The following DNAJB13 variants were observed in gnomAD, a reference collection of about 807,000 sequenced individuals.
The protein encoded by DNAJB13 is DnaJ heat shock protein family (Hsp40) member B13.
A neutral mutation model predicts 35.6 loss-of-function variants in DNAJB13; 22 were observed. That is an observed-to-expected ratio of 0.62 (90% CI 0.44 to 0.88). DNAJB13 has a LOEUF of 0.88. DNAJB13 is among the 40% of genes least tolerant of loss of function. DNAJB13 has a pLI of 0.00. For missense variants in DNAJB13, 370 were observed against 384.3 expected, an observed-to-expected ratio of 0.96 and a Z score of 0.31; for synonymous variants, 136 against 144.2, an observed-to-expected ratio of 0.94 and a Z score of 0.41.
At chr11:73,952,641 G>A (rs1950615458) in intron 1 of DNAJB13, among the ~76,000 whole-genome samples, 1 of 152,166 alleles carries the variant, frequency 6.6e-6, no homozygotes, top group South Asian at 2.1e-4. Context: ...ACTCTTCGGA[G>A]CATCTCATTG....
chr11:73,962,225 C>T (rs904945104), intron 3 of DNAJB13, among the ~76,000 whole-genome samples: 1 of 152,104 alleles, frequency 6.6e-6, no homozygotes, highest in Non-Finnish European at 1.5e-5. Flanking sequence ...TTATAGTTTC[C>T]CTAATATGCT....
In DNAJB13 at chr11:73,966,246, G is replaced by A; in HGVS notation, c.601G>A (p.Asp201Asn). 6.2e-7 allele frequency: 1 copy of A among 1,611,992 alleles called. No individual in the cohort carries two copies. Among genetic ancestry groups the A allele is most frequent in the Non-Finnish European group, 8.5e-7 (1 of 1,179,192 alleles). ...GTRITFEKEG[D>N]QGPNIIPADI... ...ACGCATCACCTTTGAGAAGGAAGGG[G>A]ACCAGGTGAGGGGGGAAGAAGCTGA... The change falls in exon 5 of 8, where the codon GAC becomes AAC. Residue 201 changes from aspartate (D) to asparagine (N), a missense_variant. Coordinates refer to ENST00000339764, the MANE Select transcript of DNAJB13 (RefSeq NM_153614.4).
chr11:73,955,391 C>T (rs1053126659), intron 1 of DNAJB13, among the ~76,000 whole-genome samples: 1 of 151,664 alleles, frequency 6.6e-6, no homozygotes, highest in Admixed American at 6.6e-5. Context: ...TCACTGCAAC[C>T]TCCACCTTCT....
chr11:73,960,485 T>TTTTGTATTTTTGTA (rs1338035056), intron 3 of DNAJB13, among the ~76,000 whole-genome samples: 1 of 150,198 alleles, frequency 6.7e-6, no homozygotes, highest in East Asian at 2.0e-4. Flanking sequence ...CCCAGCTAAT[T>TTTTGTATTTTTGTA]TTTGTATTTT....
At chr11:73,961,123 C>G (rs542351174) in intron 3 of DNAJB13, among the ~76,000 whole-genome samples, 12 of 151,902 alleles carry the variant, frequency 7.9e-5, no homozygotes, top group African/African-American at 2.9e-4. Flanking sequence ...CCCATCTCTA[C>G]AAAAAAATGT....
At chr11:73,958,839 C>T (rs955417844) in intron 2 of DNAJB13, among the ~76,000 whole-genome samples, 1 of 152,114 alleles carries the variant, frequency 6.6e-6, no homozygotes, top group Non-Finnish European at 1.5e-5. Context: ...CCAGGGCCAG[C>T]AACAGTAGGA....
At chr11:73,957,727 C>G (rs559147678) in intron 1 of DNAJB13, among the ~76,000 whole-genome samples, 5 of 152,282 alleles carry the variant, frequency 3.3e-5, no homozygotes, top group South Asian at 2.1e-4. Context: ...GGGCACTGAG[C>G]GCCTCAGCCA....
chr11:73,954,405 C>T (rs935078368), intron 1 of DNAJB13, among the ~76,000 whole-genome samples: 9 of 145,104 alleles, frequency 6.2e-5, no homozygotes, highest in Non-Finnish European at 1.1e-4. Flanking sequence ...CTGAGGCGGG[C>T]GGATCACGAG....
chr11:73,953,876 T>C lies in DNAJB13; in HGVS notation c.68+2739T>C, dbSNP rs553636483. ...TTAGCCGGGCACCTGTAGTCCCAGC[T>C]ACTCGGGAGGCTGAGGCAGGAGAAT... On this transcript the variant is annotated intron_variant, in intron 1 of 7. Transcript: ENST00000339764. 5.1e-4 allele frequency among the ~76,000 whole-genome samples: 78 copies of C among 151,938 alleles called. 1 individual carries two copies. The East Asian group carries it at 0.013, about 26-fold the overall frequency.
chr11:73,965,300 T>C, intron 4 of DNAJB13: 1 of 317,050 alleles, frequency 3.2e-6, no homozygotes, highest in South Asian at 5.9e-5. Context: ...TTTCTTTCAG[T>C]TCAGCCCCAT....
chr11:73,962,668 C>T (rs565780521), intron 3 of DNAJB13, among the ~76,000 whole-genome samples: 2 of 152,332 alleles, frequency 1.3e-5, no homozygotes, highest in South Asian at 2.1e-4. Context: ...TTTTCTCCTA[C>T]ACCTCTTGCC....
At chr11:73,965,106 C>T (rs78208358) in intron 4 of DNAJB13, 71 bp downstream of exon 4, 1 of 1,467,630 alleles carries the variant, frequency 6.8e-7, no homozygotes. Context: ...CCTCCCTTAC[C>T]TGGGTGGGAG....
At position 73,970,101 on chromosome 11, in the gene DNAJB13, C is replaced by T; in HGVS notation, c.938C>T (p.Ala313Val). Residue 313 changes from alanine (A) to valine (V), a missense_variant, in exon 8 of 8, where the codon GCA becomes GTA. Coordinates refer to ENST00000339764, the MANE Select transcript of DNAJB13 (RefSeq NM_153614.4). ...TPQKKQMLRQ[A>V]LLT The stretch of plus-strand genomic sequence containing the variant: ...CAGAAGAAGCAGATGCTGCGCCAGG[C>T]ATTGCTGACATGACTGTGGTGGGCT... 2 of 1,605,128 alleles carry T rather than the reference C, an allele frequency of 1.2e-6. No individual in the cohort carries two copies. Among genetic ancestry groups the T allele is most frequent in the Non-Finnish European group, 1.7e-6 (2 of 1,175,302 alleles).
chr11:73,956,803 C>CAAAAAAA (rs1163341948), intron 1 of DNAJB13, among the ~76,000 whole-genome samples: 1 of 75,892 alleles, frequency 1.3e-5, no homozygotes, highest in Non-Finnish European at 2.8e-5. Context: ...AACTCCATCT[C>CAAAAAAA]AAAAAAAAAA....
intron 6 of DNAJB13, 144 bp from the exon 7 acceptor site, chr11:73,969,102 C>A: frequency 2.0e-6 from 1 of 509,620 alleles, no homozygotes; most frequent in Non-Finnish European, 3.5e-6. Context: ...TTGCATGGGT[C>A]ATTCACCTAT....
intron 3 of DNAJB13, among the ~76,000 whole-genome samples, chr11:73,960,611 C>T (rs761613879): frequency 5.9e-5 from 9 of 151,990 alleles, no homozygotes; most frequent in Non-Finnish European, 1.3e-4. Context: ...CATGAGCCAC[C>T]GTGTCTGGCC....
chr11:73,961,922 TG>T (rs111589741), intron 3 of DNAJB13, among the ~76,000 whole-genome samples: 4 of 152,274 alleles, frequency 2.6e-5, no homozygotes, highest in Admixed American at 1.3e-4. Flanking sequence ...CCCGAGTAGC[TG>T]GGATTACAGG....
chr11:73,966,053 G>A (rs562450829), intron 4 of DNAJB13, 85 bp from the exon 5 acceptor site: 3 of 1,244,658 alleles, frequency 2.4e-6, no homozygotes, highest in African/African-American at 1.5e-5. Flanking sequence ...AAGGTCACCT[G>A]AGTGTTCATG....
At chr11:73,955,295 C>G (rs1214190835) in intron 1 of DNAJB13, among the ~76,000 whole-genome samples, 1 of 150,056 alleles carries the variant, frequency 6.7e-6, no homozygotes, top group East Asian at 2.0e-4. Flanking sequence ...AAACCTTTCT[C>G]AAACCTTGTT....
Sources: gnomAD v4.1 joint callset for allele counts (sites outside exome capture counted in the v4.1 genomes callset) on GRCh38, gnomAD v4.1.1 for gene constraint, MANE v1.5 for transcripts, NCBI Gene and HGNC (gene_info 2026-07-23, HGNC 2026-07-21) for gene names.